ZSCAN25: variants seen among roughly 807,000 people sequenced by gnomAD.
ZSCAN25 encodes zinc finger and SCAN domain containing 25, also known as zinc finger and SCAN domain-containing protein 25.
In ZSCAN25, 27 loss-of-function variants were observed where a neutral mutation model predicts 38.7. The observed-to-expected ratio is 0.70, with a 90% confidence interval of 0.51 to 0.96. The LOEUF (loss-of-function observed/expected upper bound fraction) is 0.96, where lower values mean the gene tolerates loss of function less well. Ranked by LOEUF, ZSCAN25 falls within the 40% of genes least tolerant of loss-of-function variation. ZSCAN25 has a pLI of 0.00. For synonymous variants in ZSCAN25, 273 were observed against 277.7 expected, an observed-to-expected ratio of 0.98 and a Z score of 0.17; for missense variants, 637 against 705.9, an observed-to-expected ratio of 0.90 and a Z score of 1.11.
At chr7:99,686,575 G>A in the ZSCAN25 span, among the ~76,000 whole-genome samples, 4 of 152,226 alleles carry the variant, frequency 2.6e-5, no homozygotes, top group South Asian at 4.1e-4. Context: ...CTCCACCTCT[G>A]GGGGCAGGGC....
At chr7:99,731,130 G>C in the ZSCAN25 span, 1,102 of 1,613,748 alleles carry the variant, frequency 6.8e-4, 1 homozygote, top group Non-Finnish European at 8.6e-4. Context: ...TTCTTAAAAA[G>C]TCCATGTGTA....
chr7:99,736,948 A>G, the ZSCAN25 span, among the ~76,000 whole-genome samples: 3 of 152,144 alleles, frequency 2.0e-5, no homozygotes, highest in Non-Finnish European at 2.9e-5. Context: ...GGAGGTATGC[A>G]TGTGCTGTAA....
At chr7:99,617,770 G>A (rs536383603) in intron 1 of ZSCAN25, among the ~76,000 whole-genome samples, 2 of 152,164 alleles carry the variant, frequency 1.3e-5, no homozygotes, top group Non-Finnish European at 2.9e-5. Flanking sequence ...CACAATGGGT[G>A]GGGGGAGATA....
the ZSCAN25 span, chr7:99,722,321 A>G: frequency 2.5e-6 from 4 of 1,613,480 alleles, no homozygotes; most frequent in Non-Finnish European, 3.4e-6. Context: ...TACTTTTTAT[A>G]ACATTCCATG....
the ZSCAN25 span, chr7:99,735,095 A>C: frequency 6.2e-7 from 1 of 1,613,994 alleles, no homozygotes; most frequent in Non-Finnish European, 8.5e-7. Context: ...GAGATCCATC[A>C]CTACTTTCCT....
chr7:99,685,766 C>T, the ZSCAN25 span, among the ~76,000 whole-genome samples: 1 of 152,190 alleles, frequency 6.6e-6, no homozygotes, highest in East Asian at 1.9e-4. Flanking sequence ...ACCAAGGATC[C>T]CATAAGTCAC....
the ZSCAN25 span, among the ~76,000 whole-genome samples, chr7:99,690,911 A>T: frequency 1.3e-5 from 2 of 152,220 alleles, no homozygotes; most frequent in African/African-American, 4.8e-5. Flanking sequence ...TAGAACTAGG[A>T]ATACCATTTG....
chr7:99,659,760 A>C, the ZSCAN25 span: 2 of 153,192 alleles, frequency 1.3e-5, no homozygotes, highest in Non-Finnish European at 2.9e-5. Flanking sequence ...TTACCTACTC[A>C]AGCCTTAGCA....
the ZSCAN25 span, among the ~76,000 whole-genome samples, chr7:99,653,203 G>C: frequency 1.3e-5 from 2 of 152,168 alleles, no homozygotes; most frequent in African/African-American, 4.8e-5. This position sits in a 1 kb window ranked among gnomAD's most constrained non-coding sequence, Gnocchi z 4.2. Context: ...TTCACACAAG[G>C]ATTATTGGTT....
the ZSCAN25 span, chr7:99,700,081 T>C: frequency 2.2e-6 from 3 of 1,358,150 alleles, no homozygotes; most frequent in East Asian, 2.3e-5. Flanking sequence ...TACTTTCAGC[T>C]GTGTGCTGTT....
chr7:99,730,977 T>G, the ZSCAN25 span: 3 of 1,553,798 alleles, frequency 1.9e-6, no homozygotes, highest in East Asian at 2.3e-5. Flanking sequence ...ACCTTCCTCT[T>G]GAGGAGAAGC....
chr7:99,730,352 C>G, the ZSCAN25 span, among the ~76,000 whole-genome samples: 1 of 152,104 alleles, frequency 6.6e-6, no homozygotes, highest in Non-Finnish European at 1.5e-5. Flanking sequence ...AATAGACAAC[C>G]ACTATCTCAT....
At chr7:99,672,820 G>A in the ZSCAN25 span, 1 of 1,483,752 alleles carries the variant, frequency 6.7e-7, no homozygotes, top group African/African-American at 1.4e-5. Flanking sequence ...TTAGGTTCTA[G>A]TTCATTAGGG....
Position 99,622,611 on chromosome 7 carries a change from G to A in ZSCAN25, c.652G>A (p.Ala218Thr). 1.2e-6 allele frequency: 2 copies of A among 1,614,210 alleles called. No individual in the cohort carries two copies. Among genetic ancestry groups the A allele is most frequent in the East Asian group, 2.2e-5 (1 of 44,890 alleles). ...AGTGAATCCCAGAGACCAAGAGATG[G>A]CAGCTGGGTTCTTTACTGCTGGATC... is the stretch of plus-strand genomic sequence containing the variant. ...PAVNPRDQEMAAGFFTAGSQG... is the reference protein window; with the variant it reads ...PAVNPRDQEMTAGFFTAGSQG... The change falls in exon 6 of 8, where the codon GCA becomes ACA. Residue 218 changes from alanine (A) to threonine (T), a missense_variant. By Grantham distance (58) the Ala-to-Thr change is moderately conservative. Coordinates refer to ENST00000394152, the MANE Select transcript of ZSCAN25 (RefSeq NM_145115.3).
At chr7:99,650,298 G>C in the ZSCAN25 span, 1 of 1,511,852 alleles carries the variant, frequency 6.6e-7, no homozygotes, top group South Asian at 1.2e-5. Flanking sequence ...CATGTTAGGG[G>C]TTCTTACTTA....
Position 99,621,384 on chromosome 7 carries a change from C to G in ZSCAN25, c.399C>G (p.His133Gln), listed in dbSNP as rs1806940071. ...RALEAKAVPC[H>Q]RQGEQEETAL... ...GGAACTGTTCTTAGGTTCCATGCCACAGGCAGGGAGAGCAGGAGGAAACAG... is the reference window on the plus strand; with the variant it reads ...GGAACTGTTCTTAGGTTCCATGCCAGAGGCAGGGAGAGCAGGAGGAAACAG... The change falls in exon 5 of 8, where the codon CAC becomes CAG. Residue 133 changes from histidine to glutamine, a missense_variant. By Grantham distance (24) the His-to-Gln change is conservative. Coordinates refer to ENST00000394152, the MANE Select transcript of ZSCAN25 (RefSeq NM_145115.3). 1.4e-6 allele frequency: 2 copies of G among 1,416,996 alleles called. No individual in the cohort carries two copies. The highest frequency in any genetic ancestry group is 1.9e-6 in the Non-Finnish European group (2 of 1,070,350). The allele number at this position is 1,416,996 out of a possible 1,614,324, so 87.8% of individuals were successfully genotyped here. A position where few individuals can be genotyped will look rare whatever the true frequency, so the allele number is the denominator to read the frequency against.
chr7:99,731,818 C>T, the ZSCAN25 span, among the ~76,000 whole-genome samples: 4 of 152,044 alleles, frequency 2.6e-5, no homozygotes, highest in African/African-American at 9.7e-5. Flanking sequence ...CGTAGAAGTG[C>T]GAGCACCTTT....
Position 99,630,459 on chromosome 7 carries a change from A to G in ZSCAN25, c.*439A>G. ...TCCATTGAACAAACATTTATTGAAC[A>G]TCCTCTGAGCACCTGGCCGTGGGAA... On this transcript the variant is annotated 3_prime_UTR_variant, in exon 8 of 8. Transcript: ENST00000394152. The G allele has an allele frequency of 5.0e-6, 5 of 999,148 alleles. No individual in the cohort carries two copies. Among genetic ancestry groups the G allele is most frequent in the Non-Finnish European group, 6.0e-6 (5 of 838,692 alleles). 61.9% of individuals were successfully genotyped at this position (999,148 alleles called of 1,614,324 possible). A position where few individuals can be genotyped will look rare whatever the true frequency, so the allele number is the denominator to read the frequency against.
At chr7:99,715,516 CT>C in the ZSCAN25 span, 1 of 561,272 alleles carries the variant, frequency 1.8e-6, no homozygotes, top group African/African-American at 1.9e-5. Context: ...AGAAAGTTGA[CT>C]AGTGGTTATA....
Sources: gnomAD v4.1 joint callset for allele counts (sites outside exome capture counted in the v4.1 genomes callset) on GRCh38, gnomAD v4.1.1 for gene constraint, Gnocchi (gnomAD v3.1) non-coding constraint, MANE v1.5 for transcripts, NCBI Gene and HGNC (gene_info 2026-07-23, HGNC 2026-07-21) for gene names.